Variants in ZNF800 observed in about 807,000 individuals in gnomAD.
ZNF800 encodes the protein zinc finger protein 800.
ZNF800 carries 13 observed loss-of-function variants against 59.5 expected under a neutral mutation model. The ratio of observed to expected loss-of-function variants is 0.22; its 90% CI spans 0.14 to 0.35. The LOEUF (loss-of-function observed/expected upper bound fraction) is 0.35, where lower values mean the gene tolerates loss of function less well. Among genes scored for constraint, ZNF800 ranks in the 10% least tolerant of loss-of-function variants. ZNF800 has a pLI of 1.00. For missense variants in ZNF800, 621 were observed against 783.7 expected, an observed-to-expected ratio of 0.79 and a Z score of 2.48; for synonymous variants, 266 against 265.7, an observed-to-expected ratio of 1.00 and a Z score of -0.01.
At chr7:127,385,431 T>C (rs916446067) in intron 3 of ZNF800, among the ~76,000 whole-genome samples, 1 of 152,226 alleles carries the variant, frequency 6.6e-6, no homozygotes, top group African/African-American at 2.4e-5. Context: ...AAGTAATACC[T>C]ATTTTAAAAC....
At chr7:127,352,199 CTG>C (rs1038475302) in intron 1 of ZNF800, among the ~76,000 whole-genome samples, 4 of 152,138 alleles carry the variant, frequency 2.6e-5, no homozygotes, top group Admixed American at 2.0e-4. Flanking sequence ...GCCCAAAAGA[CTG>C]TCTTTGATAT....
At chr7:127,365,921 G>A (rs6971514), downstream of ZNF800, among the ~76,000 whole-genome samples, 11,710 of 152,110 alleles carry the variant, frequency 0.077, 571 homozygotes, top group African/African-American at 0.13. Context: ...TGATCACTAC[G>A]ACAGTAATAA....
chr7:127,368,997 T>C (rs916096095), downstream of ZNF800, among the ~76,000 whole-genome samples: 4 of 151,162 alleles, frequency 2.6e-5, no homozygotes, highest in Admixed American at 2.7e-4. Flanking sequence ...GGTTTTCTTC[T>C]TAAAGAGTAA....
rs765275217 is a variant in ZNF800 at position 127,374,248 on chromosome 7, A to G, written c.1088T>C (p.Leu363Pro). Reference protein sequence around the residue: ...EYNLTACKCLLCKRKYSSQIM... With the variant: ...EYNLTACKCLPCKRKYSSQIM... ...TTGTGAACTATATTTCCTCTTGCAAAGGAGGCATTTGCATGCAGTTAAATT... is the reference window on the plus strand; with the variant it reads ...TTGTGAACTATATTTCCTCTTGCAAGGGAGGCATTTGCATGCAGTTAAATT... The change falls in exon 5 of 6, where the codon CTT becomes CCT. Residue 363 changes from leucine (L) to proline (P), a missense_variant. Transcript: ENST00000265827. 19 of 1,614,036 alleles carry G rather than the reference A, an allele frequency of 1.2e-5. No homozygotes were observed. In the South Asian group the frequency reaches 1.8e-4, roughly 15 times the overall value.
intron 1 of ZNF800, among the ~76,000 whole-genome samples, chr7:127,354,161 G>A (rs1304447395): frequency 6.6e-6 from 1 of 152,008 alleles, no homozygotes; most frequent in African/African-American, 2.4e-5. Context: ...TTCTCAAATG[G>A]AAAAGTAAAT....
chr7:127,344,158 A>G (rs1441855445), downstream of ZNF800, among the ~76,000 whole-genome samples: 2 of 152,032 alleles, frequency 1.3e-5, no homozygotes, highest in African/African-American at 4.8e-5. Flanking sequence ...ATGATTGGCT[A>G]CTTAGAAGAG....
intron 2 of ZNF800, among the ~76,000 whole-genome samples, chr7:127,388,991 AC>A (rs1373208030): frequency 1.3e-5 from 2 of 152,162 alleles, no homozygotes; most frequent in African/African-American, 4.8e-5. Flanking sequence ...TCTTTCTCCA[AC>A]CAAAAAACCC....
downstream of ZNF800, among the ~76,000 whole-genome samples, chr7:127,343,818 C>T (rs562269784): frequency 7.2e-5 from 11 of 151,836 alleles, no homozygotes; most frequent in African/African-American, 2.7e-4. Flanking sequence ...CAGAAATAAT[C>T]CAGTATTGAG....
At chr7:127,346,167 A>C (rs1449076582), downstream of ZNF800, among the ~76,000 whole-genome samples, 1 of 152,186 alleles carries the variant, frequency 6.6e-6, no homozygotes, top group African/African-American at 2.4e-5. Context: ...TTGTGGTGAC[A>C]AGATGAGAAA....
intron 2 of ZNF800, among the ~76,000 whole-genome samples, chr7:127,390,104 T>C (rs991290542): frequency 1.3e-5 from 2 of 152,122 alleles, no homozygotes; most frequent in Non-Finnish European, 2.9e-5. Context: ...AAATGAATGA[T>C]CAATAAATTT....
chr7:127,345,495 T>C (rs1800043715), downstream of ZNF800, among the ~76,000 whole-genome samples: 1 of 152,102 alleles, frequency 6.6e-6, no homozygotes, highest in Admixed American at 6.6e-5. Context: ...AGGATACGGT[T>C]GTGGTGGGAG....
At chr7:127,375,275 T>G (rs1221356633) in intron 4 of ZNF800, among the ~76,000 whole-genome samples, 1 of 152,130 alleles carries the variant, frequency 6.6e-6, no homozygotes, top group African/African-American at 2.4e-5. Context: ...TCTGAAGGGC[T>G]ACTTTTGCTT....
At chr7:127,385,715 A>G (rs1052846144) in intron 3 of ZNF800, among the ~76,000 whole-genome samples, 3 of 152,178 alleles carry the variant, frequency 2.0e-5, no homozygotes, top group African/African-American at 7.2e-5. Flanking sequence ...ATGAAGACCC[A>G]GAATAATTTA....
rs200602569 is a variant in ZNF800 at position 127,373,450 on chromosome 7, T to C, written c.1886A>G (p.Lys629Arg). 1.2e-6 allele frequency: 2 copies of C among 1,614,172 alleles called. No homozygotes were observed. The highest frequency in any genetic ancestry group is 8.5e-7 in the Non-Finnish European group (1 of 1,180,012). ...CTTATGATGTTCAAGGTAAGTCTTT[T>C]TGGCAAATGCCTTTCCACATTTATT... ...RCNKCGKAFA[K>R]KTYLEHHKKT... The change falls in exon 5 of 6, where the codon AAA becomes AGA. Residue 629 changes from lysine (K) to arginine (R), a missense_variant. Around this residue, in one of 7 missense-constraint regions of ZNF800, gnomAD observed 94 missense variants for 108.5 expected, o/e 0.87. Coordinates refer to ENST00000265827, the MANE Select transcript of ZNF800 (RefSeq NM_176814.5).
chr7:127,355,298 T>C (rs1231233494), intron 1 of ZNF800, among the ~76,000 whole-genome samples: 1 of 152,006 alleles, frequency 6.6e-6, no homozygotes, highest in African/African-American at 2.4e-5. Context: ...AATCAAAACT[T>C]ATTGATAGCT....
chr7:127,352,897 T>TAC (rs10556706), intron 1 of ZNF800, among the ~76,000 whole-genome samples: 433 of 151,136 alleles, frequency 2.9e-3, no homozygotes, highest in Middle Eastern at 7.0e-3. Flanking sequence ...ATCCCACGAT[T>TAC]ACACACACAC....
intron 5 of ZNF800, chr7:127,373,107 C>T (rs1800676926): frequency 2.0e-6 from 2 of 985,314 alleles, no homozygotes; most frequent in Non-Finnish European, 2.4e-6. Flanking sequence ...CCTACAACTA[C>T]ATTGCATTGT....
downstream of ZNF800, among the ~76,000 whole-genome samples, chr7:127,368,041 G>C (rs538447422): frequency 6.6e-6 from 1 of 152,136 alleles, no homozygotes; most frequent in East Asian, 1.9e-4. Context: ...TGAAGATTTA[G>C]GAGGAAATGA....
At chr7:127,385,934 T>C in intron 3 of ZNF800, 126 bp downstream of exon 3, 1 of 608,358 alleles carries the variant, frequency 1.6e-6, no homozygotes, top group South Asian at 2.2e-5. Context: ...TATGAAAATT[T>C]TAAATATTCT....
Sources: gnomAD v4.1 joint callset for allele counts (sites outside exome capture counted in the v4.1 genomes callset) on GRCh38, gnomAD v4.1.1 for gene constraint, gnomAD v4.1.1 regional missense constraint, MANE v1.5 for transcripts, NCBI Gene and HGNC (gene_info 2026-07-23, HGNC 2026-07-21) for gene names.